PJA2: variants seen among roughly 807,000 people sequenced by gnomAD.
PJA2 encodes the protein E3 ubiquitin-protein ligase Praja-2.
A neutral mutation model predicts 69.3 loss-of-function variants in PJA2; 25 were observed. The ratio of observed to expected loss-of-function variants is 0.36; its 90% CI spans 0.26 to 0.50. The LOEUF is 0.50. PJA2 is among the 20% of genes least tolerant of loss of function. PJA2 has a pLI of 0.96. For missense variants in PJA2, 809 were observed against 830.2 expected, an observed-to-expected ratio of 0.97 and a Z score of 0.31; for synonymous variants, 308 against 277.8, an observed-to-expected ratio of 1.11 and a Z score of -1.08.
At chr5:109,364,775 TAA>T (rs11333923) in intron 5 of PJA2, among the ~76,000 whole-genome samples, 2 of 150,402 alleles carry the variant, frequency 1.3e-5, no homozygotes, top group Non-Finnish European at 3.0e-5. Context: ...GCTTAAAATG[TAA>T]AAAAAAAACT....
intron 1 of PJA2, among the ~76,000 whole-genome samples, chr5:109,407,453 C>G (rs1038914909): frequency 6.6e-6 from 1 of 152,148 alleles, no homozygotes; most frequent in Non-Finnish European, 1.5e-5. Context: ...ATAATTAATG[C>G]TAAAACATTA....
intron 2 of PJA2, among the ~76,000 whole-genome samples, chr5:109,382,847 C>CAA (rs376665394): frequency 1.4e-4 from 10 of 71,074 alleles, no homozygotes; most frequent in African/African-American, 4.2e-4. Flanking sequence ...AACTCCATCT[C>CAA]AAAAAAAAAA....
Position 109,372,910 on chromosome 5 carries a change from A to C in PJA2, c.1284-4164T>G, listed in dbSNP as rs1039242849. Among the ~76,000 whole-genome samples, 4 of 133,504 alleles carry C rather than the reference A, an allele frequency of 3.0e-5. 1 individual carries two copies. The highest frequency in any genetic ancestry group is 1.1e-4 in the African/African-American group (4 of 35,690). 87.6% of individuals were successfully genotyped at this position (133,504 alleles called of 152,430 possible). The stretch of plus-strand genomic sequence containing the variant: ...ACTAGAGCAACACTCCGTCTCAAAA[A>C]AAAAAAAAAAAAAAAAGAAAGAAAG... On this transcript the variant is annotated intron_variant, in intron 4 of 9. Coordinates refer to ENST00000361189, the MANE Select transcript of PJA2 (RefSeq NM_014819.5).
At chr5:109,380,673 C>A (rs1351593358) in intron 3 of PJA2, among the ~76,000 whole-genome samples, 1 of 151,598 alleles carries the variant, frequency 6.6e-6, no homozygotes, top group Non-Finnish European at 1.5e-5. Flanking sequence ...GGCGTGGAGG[C>A]GCATGCCTGT....
At chr5:109,347,486 C>T (rs1312902361) in intron 7 of PJA2, among the ~76,000 whole-genome samples, 4 of 152,220 alleles carry the variant, frequency 2.6e-5, no homozygotes, top group Admixed American at 2.6e-4. Flanking sequence ...GCTGCTTATC[C>T]AGTAACTGGT....
chr5:109,350,835 G>C (rs1442223281), intron 7 of PJA2, among the ~76,000 whole-genome samples: 1 of 152,060 alleles, frequency 6.6e-6, no homozygotes, highest in Non-Finnish European at 1.5e-5. Flanking sequence ...AGTATGTAAA[G>C]ACTTTACAAG....
At chr5:109,361,298 T>C (rs905597559) in intron 6 of PJA2, among the ~76,000 whole-genome samples, 1 of 152,174 alleles carries the variant, frequency 6.6e-6, no homozygotes, top group Admixed American at 6.5e-5. Context: ...ACCAGAAGTA[T>C]AGAACAAGTT....
rs758777266 is a variant in PJA2 at position 109,378,623 on chromosome 5, A to G, written c.864T>C (p.Cys288=). Residue 288 remains cysteine (C), a synonymous_variant, in exon 4 of 10, where the codon TGT becomes TGC. Coordinates refer to ENST00000361189, the MANE Select transcript of PJA2 (RefSeq NM_014819.5). ...QTEHSPEDAA[C]GPGHICSEQN... Reference sequence around the variant, plus strand: ...GTTCACTACAAATATGCCCTGGACCACAGGCTGCATCTTCAGGTGAATGTT... The same window carrying G: ...GTTCACTACAAATATGCCCTGGACCGCAGGCTGCATCTTCAGGTGAATGTT... 3 of 1,614,168 alleles carry G rather than the reference A, an allele frequency of 1.9e-6. No individual in the cohort carries two copies. The highest frequency in any genetic ancestry group is 2.5e-6 in the Non-Finnish European group (3 of 1,180,012).
At chr5:109,351,849 T>C (rs189644446) in intron 7 of PJA2, among the ~76,000 whole-genome samples, 1 of 152,234 alleles carries the variant, frequency 6.6e-6, no homozygotes, top group African/African-American at 2.4e-5. Flanking sequence ...TTGTTTCATT[T>C]AAAGAGTGTT....
intron 5 of PJA2, among the ~76,000 whole-genome samples, chr5:109,366,942 G>A (rs560429619): frequency 6.6e-6 from 1 of 152,074 alleles, no homozygotes; most frequent in Admixed American, 6.6e-5. Flanking sequence ...GACCAACCTG[G>A]CTAACATGGT....
chr5:109,340,147 A>G (rs1762016533), intron 9 of PJA2, among the ~76,000 whole-genome samples: 1 of 152,180 alleles, frequency 6.6e-6, no homozygotes, highest in Non-Finnish European at 1.5e-5. Flanking sequence ...TTTATTTGTG[A>G]TTTTGTTGTT....
Position 109,408,251 on chromosome 5 carries a change from A to T in PJA2, c.-88+1591T>A, listed in dbSNP as rs568253573. 7.2e-5 allele frequency among the ~76,000 whole-genome samples: 11 copies of T among 152,310 alleles called. No homozygotes were observed. The South Asian group carries it at 2.3e-3, about 32-fold the overall frequency. ...ATTCTTCCATACTGTTTAATTTTTT[A>T]AAATCAAGGATGAATTAAAATTTGT... On this transcript the variant is annotated intron_variant, in intron 1 of 9. Coordinates refer to ENST00000361189, the MANE Select transcript of PJA2 (RefSeq NM_014819.5).
intron 9 of PJA2, among the ~76,000 whole-genome samples, chr5:109,343,676 A>C (rs1199675121): frequency 1.3e-5 from 2 of 152,232 alleles, no homozygotes; most frequent in African/African-American, 4.8e-5. Context: ...CTATATTTTT[A>C]GACAATGTTA....
chr5:109,361,867 CAAG>C (rs773739715), intron 6 of PJA2, among the ~76,000 whole-genome samples: 15 of 152,124 alleles, frequency 9.9e-5, no homozygotes, highest in Non-Finnish European at 1.9e-4. Context: ...AGGAAGATCT[CAAG>C]AAGATGTTCA....
chr5:109,356,940 C>T (rs181830919), intron 6 of PJA2, among the ~76,000 whole-genome samples: 2 of 152,118 alleles, frequency 1.3e-5, no homozygotes, highest in Admixed American at 1.3e-4. Flanking sequence ...ATCGAGATTC[C>T]TCCTTTTCCT....
chr5:109,367,588 A>G (rs577804328), intron 5 of PJA2, among the ~76,000 whole-genome samples: 13 of 152,302 alleles, frequency 8.5e-5, no homozygotes, highest in African/African-American at 2.9e-4. Flanking sequence ...ACAAAAAAAG[A>G]AAAAGAATAC....
chr5:109,390,125 A>C (rs374314768), intron 1 of PJA2, among the ~76,000 whole-genome samples: 2 of 152,002 alleles, frequency 1.3e-5, no homozygotes, highest in East Asian at 3.8e-4. Flanking sequence ...ATACCATTCA[A>C]ATTTCTTATT....
intron 7 of PJA2, among the ~76,000 whole-genome samples, chr5:109,350,520 T>G (rs1196759937): frequency 1.3e-5 from 2 of 152,184 alleles, no homozygotes; most frequent in Admixed American, 6.5e-5. Flanking sequence ...GAATCCAGAT[T>G]TGTTCACTGA....
intron 4 of PJA2, among the ~76,000 whole-genome samples, chr5:109,376,178 T>C (rs1262575371): frequency 1.3e-5 from 2 of 151,526 alleles, no homozygotes; most frequent in Admixed American, 1.3e-4. Flanking sequence ...ACAGGCTCTG[T>C]AGTCAATACA....
Sources: allele counts gnomAD v4.1 joint callset (sites outside exome capture counted in the v4.1 genomes callset), GRCh38; gene constraint gnomAD v4.1.1; transcripts MANE v1.5; gene names NCBI Gene and HGNC (gene_info 2026-07-23, HGNC 2026-07-21).